ZC3H14: variants seen among roughly 807,000 people sequenced by gnomAD.
The protein encoded by ZC3H14 is zinc finger CCCH-type containing 14, also known as zinc finger CCCH domain-containing protein 14.
ZC3H14 carries 31 observed loss-of-function variants against 92.4 expected under a neutral mutation model. That is an observed-to-expected ratio of 0.34 (90% CI 0.25 to 0.45). The LOEUF is 0.45. ZC3H14 is among the 20% of genes least tolerant of loss of function. ZC3H14 has a pLI of 1.00. For synonymous variants in ZC3H14, 321 were observed against 300.9 expected (o/e 1.07, Z -0.69); for missense variants, 781 against 897.3 (o/e 0.87, Z 1.66).
rs779994177 is a variant in ZC3H14, at chr14:88,624,986, C to T, written c.*13235C>T. ...AGGACTCACGGCCTTTCCTTTCCCC[C>T]AGTCACGATAAGTCCATCTCGCAGG... On this transcript the variant is annotated 3_prime_UTR_variant, in exon 17 of 17. Coordinates refer to ENST00000251038, the MANE Select transcript of ZC3H14 (RefSeq NM_024824.5). 1.2e-6 allele frequency: 2 copies of T among 1,613,434 alleles called. No individual in the cohort carries two copies. The highest frequency in any genetic ancestry group is 3.3e-5 in the Admixed American group (2 of 59,940).
chr14:88,616,139 A>G lies in ZC3H14; in HGVS notation c.*4388A>G, dbSNP rs1595173415. On this transcript the variant is annotated 3_prime_UTR_variant, in exon 17 of 17. Coordinates refer to ENST00000251038, the MANE Select transcript of ZC3H14 (RefSeq NM_024824.5). ...CTCTTCATGGGCTGAGAAAGTTACTAACCTGCAGTCATCACCTCCAGCACT... is the reference window on the plus strand; with the variant it reads ...CTCTTCATGGGCTGAGAAAGTTACTGACCTGCAGTCATCACCTCCAGCACT... The G allele has an allele frequency of 6.2e-7, 1 of 1,613,706 alleles. No homozygotes were observed. Among genetic ancestry groups the G allele is most frequent in the African/African-American group, 1.3e-5 (1 of 75,044 alleles).
Position 88,617,040 on chromosome 14 carries a change from G to T in ZC3H14, c.*5289G>T. On this transcript the variant is annotated 3_prime_UTR_variant, in exon 17 of 17. Coordinates refer to ENST00000251038, the MANE Select transcript of ZC3H14 (RefSeq NM_024824.5). ...TGTTTGGAGACCTGAATTTCATCAG[G>T]ATATCAACTCCTGCCTTTTAAAAAT... The T allele has an allele frequency of 1.9e-6, 1 of 517,940 alleles. No individual in the cohort carries two copies. The highest frequency in any genetic ancestry group is 3.3e-6 in the Non-Finnish European group (1 of 299,596). The allele number at this position is 517,940 out of a possible 1,614,324, so 32.1% of individuals were successfully genotyped here. A position where few individuals can be genotyped will look rare whatever the true frequency, so the allele number is the denominator to read the frequency against.
Position 88,601,994 on chromosome 14 carries a change from T to G in ZC3H14, c.1425T>G (p.Ser475=). ...RSFILKKPKL[S]EEVVVAPNQE... Reference sequence around the variant, plus strand: ...TTATTCTGAAGAAGCCAAAGCTGTCTGAGGAAGTAGTAGTGGCACCAAACC... The same window carrying G: ...TTATTCTGAAGAAGCCAAAGCTGTCGGAGGAAGTAGTAGTGGCACCAAACC... The change falls in exon 11 of 17, where the codon TCT becomes TCG. Residue 475 remains serine (S), a synonymous_variant. Transcript: ENST00000251038. The G allele has an allele frequency of 6.2e-7, 1 of 1,614,182 alleles. No individual in the cohort carries two copies. The highest frequency in any genetic ancestry group is 1.1e-5 in the South Asian group (1 of 91,080).
At chr14:88,574,388 G>A (rs1401998043) in intron 6 of ZC3H14, 1 of 354,902 alleles carries the variant, frequency 2.8e-6, no homozygotes, top group Non-Finnish European at 5.4e-6. Flanking sequence ...TCGGACTACA[G>A]GCACATGCCG....
rs1392733552 is a variant in ZC3H14 at position 88,622,609 on chromosome 14, C to G, written c.*10858C>G. ...CAGCTCATGGAACATCTTACTTTGCCTCTGCACACAGAACGAACACAATCT... is the reference window on the plus strand; with the variant it reads ...CAGCTCATGGAACATCTTACTTTGCGTCTGCACACAGAACGAACACAATCT... On this transcript the variant is annotated 3_prime_UTR_variant, in exon 17 of 17. Coordinates refer to ENST00000251038, the MANE Select transcript of ZC3H14 (RefSeq NM_024824.5). 6.2e-7 allele frequency: 1 copy of G among 1,600,448 alleles called. No individual in the cohort carries two copies. The highest frequency in any genetic ancestry group is 1.1e-5 in the South Asian group (1 of 88,212).
intron 9 of ZC3H14, among the ~76,000 whole-genome samples, chr14:88,583,079 A>ATTTT (rs34990579): frequency 8.5e-5 from 11 of 129,338 alleles, no homozygotes; most frequent in South Asian, 2.4e-4. Context: ...GGCTTTATTG[A>ATTTT]TTTTTTTTTT....
In ZC3H14 at chr14:88,616,352, T is replaced by G; in HGVS notation, c.*4601T>G. ...AAGAGCTGTGGAGAGAGTAGGGAGT[T>G]AGCACCGCAGCCAGTGATTAGAATG... On this transcript the variant is annotated 3_prime_UTR_variant, in exon 17 of 17. Transcript: ENST00000251038. The G allele has an allele frequency of 9.6e-7, 1 of 1,046,530 alleles. No homozygotes were observed. The highest frequency in any genetic ancestry group is 1.6e-5 in the African/African-American group (1 of 63,782). 64.8% of individuals were successfully genotyped at this position (1,046,530 alleles called of 1,614,324 possible).
rs746659506 is a variant in ZC3H14 at position 88,578,132 on chromosome 14, A to T, written c.1271A>T (p.Lys424Ile). The change falls in exon 9 of 17, where the codon AAA becomes ATA. Residue 424 changes from lysine to isoleucine, a missense_variant. Lys to Ile is a moderately radical substitution (Grantham distance 102). Around this residue, in one of 3 missense-constraint regions of ZC3H14, gnomAD observed 454 missense variants for 438.5 expected, o/e 1.04. Transcript: ENST00000251038. ...EEETKGDSVE[K>I]NQGTQQRQLL... Reference sequence around the variant, plus strand: ...GAAACAAAAGGAGATTCTGTAGAAAAAAATCAAGGTAATAACTTAAATGAT... The same window carrying T: ...GAAACAAAAGGAGATTCTGTAGAAATAAATCAAGGTAATAACTTAAATGAT... The T allele has an allele frequency of 6.2e-7, 1 of 1,614,112 alleles. No individual in the cohort carries two copies. The highest frequency in any genetic ancestry group is 1.1e-5 in the South Asian group (1 of 91,080).
chr14:88,567,832 A>G lies in ZC3H14; in HGVS notation c.80-207A>G, dbSNP rs189157765. On this transcript the variant is annotated intron_variant, in intron 2 of 16. Transcript: ENST00000251038. Reference sequence around the variant, plus strand: ...AGAATGTTTAGTTTTGTAAGTATCAATTATTCTTAATTTCCATTCTTCTAG... The same window carrying G: ...AGAATGTTTAGTTTTGTAAGTATCAGTTATTCTTAATTTCCATTCTTCTAG... 56 of 614,334 alleles carry G rather than the reference A, an allele frequency of 9.1e-5. 1 individual carries two copies. The highest frequency in any genetic ancestry group is 2.8e-4 in the South Asian group (18 of 64,908). The allele number at this position is 614,334 out of a possible 1,614,324, so 38.1% of individuals were successfully genotyped here.
At chr14:88,565,524 G>A (rs1373717666) in intron 2 of ZC3H14, among the ~76,000 whole-genome samples, 1 of 152,130 alleles carries the variant, frequency 6.6e-6, no homozygotes, top group Non-Finnish European at 1.5e-5. Flanking sequence ...GTAGCTAAGT[G>A]AACCAATCTT....
chr14:88,621,569 A>G lies in ZC3H14; in HGVS notation c.*9818A>G, dbSNP rs1468372612. On this transcript the variant is annotated 3_prime_UTR_variant, in exon 17 of 17. Transcript: ENST00000251038. ...AGTACACCTGGATTCTTCAATAATC[A>G]AAGTTTTTATTTGATAATCTTAGGA... 3 of 478,032 alleles carry G rather than the reference A, an allele frequency of 6.3e-6. No individual in the cohort carries two copies. Among genetic ancestry groups the G allele is most frequent in the Middle Eastern group, 5.7e-4 (1 of 1,754 alleles). The allele number at this position is 478,032 out of a possible 1,614,324, so 29.6% of individuals were successfully genotyped here. A position where few individuals can be genotyped will look rare whatever the true frequency, so the allele number is the denominator to read the frequency against.
intron 3 of ZC3H14, 50 bp downstream of exon 3, chr14:88,568,203 A>G (rs367566823): frequency 8.1e-6 from 12 of 1,478,996 alleles, no homozygotes; most frequent in Non-Finnish European, 1.1e-5. Flanking sequence ...CACAAGCCTG[A>G]GTTGATATTC....
chr14:88,590,469 C>T (rs1289595361), intron 9 of ZC3H14: 1 of 152,494 alleles, frequency 6.6e-6, no homozygotes, highest in African/African-American at 2.4e-5. Flanking sequence ...GTCTCAGATG[C>T]TTTTGCCCTC....
chr14:88,593,190 A>G (rs965384390), intron 9 of ZC3H14, among the ~76,000 whole-genome samples: 2 of 151,734 alleles, frequency 1.3e-5, no homozygotes, highest in Admixed American at 6.6e-5. Context: ...CTGGTCTCGA[A>G]CTCCTGACCT....
chr14:88,568,630 A>G (rs1296489842), intron 3 of ZC3H14, among the ~76,000 whole-genome samples: 3 of 152,158 alleles, frequency 2.0e-5, no homozygotes, highest in East Asian at 1.9e-4. Context: ...ACAATTCAAT[A>G]TAAGATTTGG....
chr14:88,595,126 T>C (rs746954019), intron 9 of ZC3H14: 3 of 1,604,848 alleles, frequency 1.9e-6, no homozygotes, highest in African/African-American at 1.3e-5. Context: ...ACTCTTAATA[T>C]ATGATATGTT....
At chr14:88,585,380 CTTTTT>C (rs34472063) in intron 9 of ZC3H14, among the ~76,000 whole-genome samples, 1 of 120,604 alleles carries the variant, frequency 8.3e-6, no homozygotes. Flanking sequence ...CCTTTCTGTT[CTTTTT>C]TTTTTTTTTT....
In ZC3H14 at chr14:88,574,486, G is replaced by A. The variant is rs143397594; in HGVS notation, c.862-207G>A. On this transcript the variant is annotated intron_variant, in intron 6 of 16. Transcript: ENST00000251038. ...TCTCGAAATCCTGACCTTGTGATCCGCCCACTTCGGCCTTCCAAAGTGCTA... is the reference window on the plus strand; with the variant it reads ...TCTCGAAATCCTGACCTTGTGATCCACCCACTTCGGCCTTCCAAAGTGCTA... 802 of 531,492 alleles carry A rather than the reference G, an allele frequency of 1.5e-3. 1 individual carries two copies. The highest frequency in any genetic ancestry group is 2.1e-3 in the Non-Finnish European group (647 of 302,060). The allele number at this position is 531,492 out of a possible 1,614,324, so 32.9% of individuals were successfully genotyped here.
Position 88,618,887 on chromosome 14 carries a change from T to A in ZC3H14, c.*7136T>A. 1 of 1,433,884 alleles carries A rather than the reference T, an allele frequency of 7.0e-7. No homozygotes were observed. The highest frequency in any genetic ancestry group is 1.5e-5 in the South Asian group (1 of 65,286). The allele number at this position is 1,433,884 out of a possible 1,614,324, so 88.8% of individuals were successfully genotyped here. A position where few individuals can be genotyped will look rare whatever the true frequency, so the allele number is the denominator to read the frequency against. On this transcript the variant is annotated 3_prime_UTR_variant, in exon 17 of 17. Coordinates refer to ENST00000251038, the MANE Select transcript of ZC3H14 (RefSeq NM_024824.5). ...AATACTTAAGATCAGTGACTTTTCC[T>A]TTCTAGTTCTTAAAAGTAACGTGTG...
Sources: allele counts gnomAD v4.1 joint callset (sites outside exome capture counted in the v4.1 genomes callset), GRCh38; gene constraint gnomAD v4.1.1; regional missense constraint gnomAD v4.1.1; transcripts MANE v1.5; gene names NCBI Gene and HGNC (gene_info 2026-07-23, HGNC 2026-07-21).